The following SATB2 variants were observed in gnomAD, a reference collection of about 807,000 sequenced individuals.
The protein encoded by SATB2 is SATB homeobox 2, also known as DNA-binding protein SATB2.
A neutral mutation model predicts 73.4 loss-of-function variants in SATB2; 1 was observed. The observed-to-expected ratio is 0.01, with a 90% CI of 0.00 to 0.06. SATB2 has a LOEUF of 0.06. Ranked by LOEUF, SATB2 falls within the 10% of genes least tolerant of loss-of-function variation. The pLI, the probability that SATB2 is intolerant of heterozygous loss-of-function variation, is 1.00. For synonymous variants in SATB2, 397 were observed against 367.0 expected, an observed-to-expected ratio of 1.08 and a Z score of -0.93; for missense variants, 459 against 945.8, an observed-to-expected ratio of 0.49 and a Z score of 6.75.
In SATB2 at chr2:199,308,520, C is replaced by T. The variant is rs1408011514; in HGVS notation, c.1740+240G>A. Among the ~76,000 whole-genome samples, 1 of 152,040 alleles carries T rather than the reference C, an allele frequency of 6.6e-6. No homozygotes were observed. ...GAAAGCAGCTGTCTTTGGCATTCAACTTCTCAGTCATTTTTCTTTGTGTGT... is the reference window on the plus strand; with the variant it reads ...GAAAGCAGCTGTCTTTGGCATTCAATTTCTCAGTCATTTTTCTTTGTGTGT... On this transcript the variant is annotated intron_variant, in intron 10 of 10. Transcript: ENST00000417098. This position sits in a 1 kb window ranked among gnomAD's most constrained non-coding sequence, Gnocchi z 4.6.
chr2:199,445,248 C>T lies in SATB2; in HGVS notation c.169+10621G>A, dbSNP rs563482065. Among the ~76,000 whole-genome samples the T allele has an allele frequency of 9.9e-5, 15 of 152,202 alleles. No homozygotes were observed. The South Asian group carries it at 3.1e-3, about 32-fold the overall frequency. On this transcript the variant is annotated intron_variant, in intron 2 of 10. Transcript: ENST00000417098. ...AAGGGAATTACTTTGCAGCTTGTTT[C>T]CCACTAACCACCTGGAACAGTGTGA...
At chr2:199,396,769 C>A (rs1329928908) in intron 3 of SATB2, 1 of 152,178 alleles carries the variant, frequency 6.6e-6, no homozygotes, top group Admixed American at 6.5e-5. Context: ...CGGGTTCACA[C>A]TAATCAGGCC....
intron 2 of SATB2, among the ~76,000 whole-genome samples, chr2:199,437,045 G>T: frequency 6.6e-6 from 1 of 152,136 alleles, no homozygotes; most frequent in East Asian, 1.9e-4. Context: ...ATGTAAAACT[G>T]AAATCCATTT....
At chr2:199,396,948 C>T (rs1690319863) in intron 3 of SATB2, 1 of 152,100 alleles carries the variant, frequency 6.6e-6, no homozygotes, top group Admixed American at 6.5e-5. Context: ...CATACATTTT[C>T]CTTCATGCCT....
chr2:199,419,425 A>C (rs1195572335), intron 3 of SATB2, among the ~76,000 whole-genome samples: 1 of 152,252 alleles, frequency 6.6e-6, no homozygotes, highest in Non-Finnish European at 1.5e-5. Flanking sequence ...ACAGAATAAA[A>C]CAACTTATTT....
intron 3 of SATB2, chr2:199,397,738 A>C: frequency 2.4e-6 from 1 of 417,816 alleles, no homozygotes; most frequent in Non-Finnish European, 4.8e-6. Flanking sequence ...AAAATACGGA[A>C]ATAAGCCAGG....
At chr2:199,370,447 G>C (rs368319605) in intron 5 of SATB2, among the ~76,000 whole-genome samples, 6 of 152,032 alleles carry the variant, frequency 3.9e-5, no homozygotes, top group African/African-American at 1.4e-4. Flanking sequence ...AACCACAAAC[G>C]TACTTGTCAT....
At position 199,463,230 on chromosome 2, in the gene SATB2, G is replaced by T. The variant is rs891027759; in HGVS notation, c.-141+1606C>A. Among the ~76,000 whole-genome samples the T allele has an allele frequency of 1.3e-5, 2 of 152,160 alleles. No individual in the cohort carries two copies. The highest frequency in any genetic ancestry group is 2.9e-5 in the Non-Finnish European group (2 of 68,020). On this transcript the variant is annotated intron_variant, in intron 1 of 11. Transcript: ENST00000260926. This position sits in a 1 kb window ranked among gnomAD's most constrained non-coding sequence, Gnocchi z 6.4. ...TAGGTGGGTCCCCTTCTGCAACCAC[G>T]CTGCGAGAGAATGACTGCCCTGCTA...
intron 3 of SATB2, among the ~76,000 whole-genome samples, chr2:199,414,898 G>A (rs1051477992): frequency 6.6e-5 from 10 of 152,118 alleles, no homozygotes; most frequent in African/African-American, 1.9e-4. Flanking sequence ...AAGAGGGGGT[G>A]AATGGGCAGC....
At chr2:199,288,035 T>C (rs992228449) in intron 10 of SATB2, among the ~76,000 whole-genome samples, 9 of 152,180 alleles carry the variant, frequency 5.9e-5, no homozygotes, top group Non-Finnish European at 1.0e-4. Context: ...TCAACTAAAA[T>C]CTACTAGACT....
In SATB2 at chr2:199,385,446, C is replaced by T. The variant is rs554350417; in HGVS notation, c.347-3626G>A. ...AGCCACTGCACCTAGCCCTCCCCTA[C>T]TTTAAAACAAACAAAAACACTATGA... On this transcript the variant is annotated intron_variant, in intron 3 of 10. Transcript: ENST00000417098. Among the ~76,000 whole-genome samples the T allele has an allele frequency of 2.0e-5, 3 of 152,246 alleles. No homozygotes were observed. The East Asian group carries it at 5.8e-4, about 30-fold the overall frequency.
chr2:199,331,283 T>G (rs1688183673), intron 7 of SATB2, among the ~76,000 whole-genome samples: 1 of 152,006 alleles, frequency 6.6e-6, no homozygotes. Flanking sequence ...TGGAAAACCT[T>G]ACAGGGAAAT....
chr2:199,344,018 A>G (rs1343089950), intron 7 of SATB2, among the ~76,000 whole-genome samples: 2 of 152,038 alleles, frequency 1.3e-5, no homozygotes, highest in East Asian at 1.9e-4. Context: ...CAAAGTATAC[A>G]CTCTCGCCAA....
chr2:199,386,355 A>G lies in SATB2; in HGVS notation c.347-4535T>C, dbSNP rs956441082. ...TCAACCGGTACTGGACTGCAGGTGG[A>G]TTAAAAACAGCGCTCATTCCAAGGG... On this transcript the variant is annotated intron_variant, in intron 3 of 10. Transcript: ENST00000417098. Among the ~76,000 whole-genome samples the G allele has an allele frequency of 2.0e-5, 3 of 152,174 alleles. No homozygotes were observed. In the East Asian group the frequency reaches 5.8e-4, roughly 29 times the overall value.
intron 9 of SATB2, among the ~76,000 whole-genome samples, chr2:199,319,891 A>C (rs1417910139): frequency 2.0e-5 from 3 of 152,108 alleles, no homozygotes; most frequent in Admixed American, 6.6e-5. Context: ...GGGGTAATTG[A>C]TGTCAAGGGA....
intron 2 of SATB2, among the ~76,000 whole-genome samples, chr2:199,435,798 T>C (rs1574627628): frequency 6.6e-6 from 1 of 152,222 alleles, no homozygotes; most frequent in Non-Finnish European, 1.5e-5. Flanking sequence ...TGTAAAACCT[T>C]CCTAAGCAAG....
intron 3 of SATB2, among the ~76,000 whole-genome samples, chr2:199,382,470 T>C (rs193070393): frequency 1.6e-4 from 25 of 152,308 alleles, no homozygotes; most frequent in African/African-American, 5.1e-4. Flanking sequence ...ACAGTGACAA[T>C]AGTACTTTTT....
At chr2:199,384,825 T>G (rs1270633210) in intron 3 of SATB2, among the ~76,000 whole-genome samples, 2 of 152,240 alleles carry the variant, frequency 1.3e-5, no homozygotes, top group African/African-American at 4.8e-5. Context: ...TAAAAATTAT[T>G]AAAGAGCATG....
In SATB2 at chr2:199,270,764, G is replaced by C. The variant is rs376661560; in HGVS notation, c.*1447C>G. 2.0e-5 allele frequency: 3 copies of C among 152,368 alleles called. No individual in the cohort carries two copies. Among genetic ancestry groups the C allele is most frequent in the African/African-American group, 7.2e-5 (3 of 41,458 alleles). 9.4% of individuals were successfully genotyped at this position (152,368 alleles called of 1,614,324 possible). ...GTTCTGCTTTACATAAGGTAATTGC[G>C]ATGTAGGTAACTGGGATAATGTTTT... On this transcript the variant is annotated 3_prime_UTR_variant, in exon 11 of 11. Coordinates refer to ENST00000417098, the MANE Select transcript of SATB2 (RefSeq NM_001172509.2).
Sources: allele counts gnomAD v4.1 joint callset (sites outside exome capture counted in the v4.1 genomes callset), GRCh38; gene constraint gnomAD v4.1.1; non-coding constraint Gnocchi (gnomAD v3.1); transcripts MANE v1.5; gene names NCBI Gene and HGNC (gene_info 2026-07-23, HGNC 2026-07-21).